The following PRMT3 variants were observed in gnomAD, a reference collection of about 807,000 sequenced individuals.
PRMT3 encodes protein arginine methyltransferase 3.
A neutral mutation model predicts 71.9 loss-of-function variants in PRMT3; 62 were observed. That is an observed-to-expected ratio of 0.86 (90% CI 0.70 to 1.07). PRMT3 has a LOEUF of 1.07. Among genes scored for constraint, PRMT3 ranks in the 50% least tolerant of loss-of-function variants. PRMT3 has a pLI of 0.00. For synonymous variants in PRMT3, 213 were observed against 220.4 expected (o/e 0.97, Z 0.30); for missense variants, 663 against 643.0 (o/e 1.03, Z -0.34).
chr11:20,440,272 C>A (rs1187613392), intron 10 of PRMT3, among the ~76,000 whole-genome samples: 1 of 152,124 alleles, frequency 6.6e-6, no homozygotes, highest in East Asian at 1.9e-4. Context: ...AGGAGGATGG[C>A]TTAAGCCCAG....
intron 13 of PRMT3, among the ~76,000 whole-genome samples, chr11:20,475,631 G>A (rs1177683552): frequency 6.7e-6 from 1 of 149,750 alleles, no homozygotes; most frequent in East Asian, 2.0e-4. Flanking sequence ...TTTGAATAGT[G>A]TCATGAGAGA....
At chr11:20,469,416 T>G (rs1163791086) in intron 13 of PRMT3, among the ~76,000 whole-genome samples, 2 of 152,238 alleles carry the variant, frequency 1.3e-5, no homozygotes, top group African/African-American at 4.8e-5. Flanking sequence ...GGTATGTTCG[T>G]TCATAATTCT....
intron 13 of PRMT3, among the ~76,000 whole-genome samples, chr11:20,488,657 GTGATAA>G (rs957334297): frequency 6.6e-5 from 10 of 152,192 alleles, no homozygotes; most frequent in Non-Finnish European, 8.8e-5. Flanking sequence ...GCAGGTGATA[GTGATAA>G]TGATAATTTT....
At chr11:20,473,811 T>C (rs1210425972) in intron 13 of PRMT3, among the ~76,000 whole-genome samples, 1 of 151,896 alleles carries the variant, frequency 6.6e-6, no homozygotes, top group African/African-American at 2.4e-5. Context: ...GGTGTTGCAG[T>C]CATTTGGAGG....
chr11:20,428,871 G>A (rs1294137101), intron 10 of PRMT3, among the ~76,000 whole-genome samples: 3 of 152,148 alleles, frequency 2.0e-5, no homozygotes, highest in Non-Finnish European at 4.4e-5. Context: ...TATTTCTTTT[G>A]TGGTTCCACT....
chr11:20,439,916 G>A (rs926906772), intron 10 of PRMT3, among the ~76,000 whole-genome samples: 5 of 152,152 alleles, frequency 3.3e-5, no homozygotes, highest in Non-Finnish European at 7.3e-5. Context: ...TGTTTTACTT[G>A]TGCAAAGACT....
chr11:20,416,449 T>C (rs35908334), intron 9 of PRMT3, among the ~76,000 whole-genome samples: 2 of 152,160 alleles, frequency 1.3e-5, no homozygotes, highest in Non-Finnish European at 2.9e-5. Flanking sequence ...CAGGAATTTT[T>C]CTTTTTTTCA....
chr11:20,463,101 T>G (rs143485550), intron 12 of PRMT3, among the ~76,000 whole-genome samples: 2,134 of 152,326 alleles, frequency 0.014, 63 homozygotes, highest in African/African-American at 0.048. Flanking sequence ...CCTGACCTCA[T>G]GATCCGCCTG....
At chr11:20,465,509 G>C (rs1318749757) in intron 13 of PRMT3, among the ~76,000 whole-genome samples, 1 of 151,876 alleles carries the variant, frequency 6.6e-6, no homozygotes, top group Non-Finnish European at 1.5e-5. Context: ...ATTTGGTTCA[G>C]ATCGATATAT....
chr11:20,392,602 T>C (rs528591727), intron 4 of PRMT3, among the ~76,000 whole-genome samples: 1 of 151,950 alleles, frequency 6.6e-6, no homozygotes, highest in East Asian at 1.9e-4. Context: ...TTTTTTATTC[T>C]GTTTTTTTTC....
intron 11 of PRMT3, among the ~76,000 whole-genome samples, chr11:20,460,566 T>C (rs1366267586): frequency 6.6e-6 from 1 of 152,180 alleles, no homozygotes; most frequent in Non-Finnish European, 1.5e-5. Flanking sequence ...GAACTCCCTT[T>C]ACTTATCTTT....
intron 3 of PRMT3, among the ~76,000 whole-genome samples, chr11:20,391,815 A>G (rs1045620241): frequency 1.3e-5 from 2 of 152,202 alleles, no homozygotes; most frequent in Non-Finnish European, 2.9e-5. Context: ...AGTATACACC[A>G]TGTCCTGGCA....
intron 2 of PRMT3, among the ~76,000 whole-genome samples, chr11:20,389,145 A>G (rs192133060): frequency 1.6e-4 from 24 of 152,352 alleles, no homozygotes; most frequent in Non-Finnish European, 3.4e-4. Flanking sequence ...TAGATAAGGT[A>G]TACAGCTTCT....
chr11:20,419,383 G>A (rs1464086987), intron 9 of PRMT3, among the ~76,000 whole-genome samples: 1 of 152,204 alleles, frequency 6.6e-6, no homozygotes, highest in Non-Finnish European at 1.5e-5. Flanking sequence ...GGCAATCTAT[G>A]TGTATATTTT....
chr11:20,462,344 A>G (rs1214702194), intron 12 of PRMT3, among the ~76,000 whole-genome samples, 177 bp downstream of exon 12: 1 of 152,186 alleles, frequency 6.6e-6, no homozygotes, highest in African/African-American at 2.4e-5. Context: ...TCATCTCTTT[A>G]GAATCACTTC....
At chr11:20,496,944 C>CAG (rs1394267733) in intron 15 of PRMT3, among the ~76,000 whole-genome samples, 2 of 152,154 alleles carry the variant, frequency 1.3e-5, no homozygotes, top group Admixed American at 6.5e-5. Flanking sequence ...TTCAGCACAG[C>CAG]AAAAGTGAAA....
At chr11:20,399,984 A>G (rs1334377473) in intron 7 of PRMT3, among the ~76,000 whole-genome samples, 3 of 152,228 alleles carry the variant, frequency 2.0e-5, no homozygotes, top group African/African-American at 7.2e-5. Flanking sequence ...AAATGTCTAT[A>G]GGACATATGG....
At chr11:20,441,309 TTATTTATA>T (rs1168725183) in intron 10 of PRMT3, among the ~76,000 whole-genome samples, 19 of 116,252 alleles carry the variant, frequency 1.6e-4, no homozygotes, top group African/African-American at 4.4e-4. Flanking sequence ...ATTTATTTAT[TTATTTATA>T]TATTTTGAGA....
At chr11:20,389,658 A>G in intron 2 of PRMT3, 86 bp from the exon 3 acceptor site, 2 of 281,240 alleles carry the variant, frequency 7.1e-6, no homozygotes, top group Non-Finnish European at 1.1e-5. Context: ...AGAGTTAAAA[A>G]AAAAAAAAAA....
Sources: gnomAD v4.1 joint callset for allele counts (sites outside exome capture counted in the v4.1 genomes callset) on GRCh38, gnomAD v4.1.1 for gene constraint, MANE v1.5 for transcripts, NCBI Gene and HGNC (gene_info 2026-07-23, HGNC 2026-07-21) for gene names.